Variants in KHDRBS2 observed in about 807,000 individuals in gnomAD.
KHDRBS2 encodes the protein KH RNA binding domain containing, signal transduction associated 2.
In KHDRBS2, 26 loss-of-function variants were observed where a neutral mutation model predicts 44.3. That is an observed-to-expected ratio of 0.59 (90% CI 0.43 to 0.81). The LOEUF is 0.81. Among genes scored for constraint, KHDRBS2 ranks in the 40% least tolerant of loss-of-function variants. The pLI is 0.00. For missense variants in KHDRBS2, 476 were observed against 433.1 expected (o/e 1.10, Z -0.88); for synonymous variants, 194 against 151.1 (o/e 1.28, Z -2.08).
chr6:61,779,852 T>G (rs940861493), intron 6 of KHDRBS2, among the ~76,000 whole-genome samples: 3 of 152,054 alleles, frequency 2.0e-5, no homozygotes, highest in Non-Finnish European at 4.4e-5. Flanking sequence ...ATAGATAGAA[T>G]GCATCCAAGC....
chr6:61,887,646 A>C (rs1801166519), intron 6 of KHDRBS2, among the ~76,000 whole-genome samples: 1 of 152,204 alleles, frequency 6.6e-6, no homozygotes, highest in Admixed American at 6.5e-5. Context: ...GCTGAGGCTC[A>C]GCAGGGGAGA....
the KHDRBS2 span, among the ~76,000 whole-genome samples, chr6:61,617,462 T>C: frequency 6.6e-6 from 1 of 152,198 alleles, no homozygotes. Context: ...AATGACATGA[T>C]TATTTTGTTG....
At chr6:61,739,396 C>A (rs1402008577) in intron 6 of KHDRBS2, among the ~76,000 whole-genome samples, 3 of 151,878 alleles carry the variant, frequency 2.0e-5, no homozygotes, top group Admixed American at 2.0e-4. Context: ...ATGATAGGAG[C>A]AACTTTGCTC....
Position 62,285,912 on chromosome 6 carries a change from C to A in KHDRBS2, c.37G>T (p.Glu13Ter). Residue 13 changes from glutamate to a stop codon, truncating the protein, a stop_gained, in exon 1 of 9, where the codon GAG (glutamate) becomes TAG (stop). Coordinates refer to ENST00000281156, the MANE Select transcript of KHDRBS2 (RefSeq NM_152688.4). LOFTEE classifies it high-confidence loss of function. ...AAAGATGGATCCAGGCTATCTTTCT[C>A]TGCCATCAGCTCAGGCAAATATTTC... ...EEKYLPELMA[E>*]KDSLDPSFVH... The A allele has an allele frequency of 6.2e-7, 1 of 1,613,556 alleles. No homozygotes were observed. The highest frequency in any genetic ancestry group is 1.1e-5 in the South Asian group (1 of 90,998).
intron 6 of KHDRBS2, among the ~76,000 whole-genome samples, chr6:61,797,768 T>C (rs1343575242): frequency 1.3e-5 from 2 of 151,212 alleles, no homozygotes; most frequent in African/African-American, 4.9e-5. Flanking sequence ...TGTGTGTATG[T>C]ATATATATCG....
intron 6 of KHDRBS2, among the ~76,000 whole-genome samples, chr6:61,815,196 T>C (rs1321775279): frequency 6.6e-6 from 1 of 151,908 alleles, no homozygotes; most frequent in Non-Finnish European, 1.5e-5. Flanking sequence ...TCCTTTACAG[T>C]AGCAAGCATG....
the KHDRBS2 span, among the ~76,000 whole-genome samples, chr6:61,619,123 T>G: frequency 6.9e-6 from 1 of 144,734 alleles, no homozygotes; most frequent in East Asian, 1.9e-4. Context: ...TAATTAAAAA[T>G]TTTTTTTCAA....
chr6:61,799,455 A>G (rs1184011600), intron 6 of KHDRBS2, among the ~76,000 whole-genome samples: 1 of 152,038 alleles, frequency 6.6e-6, no homozygotes, highest in Middle Eastern at 3.2e-3. Flanking sequence ...AAATATTACC[A>G]TCATTATGAC....
the KHDRBS2 span, among the ~76,000 whole-genome samples, chr6:61,672,110 C>T: frequency 7.5e-6 from 1 of 133,634 alleles, no homozygotes; most frequent in African/African-American, 2.7e-5. Flanking sequence ...GTTTTTTGTT[C>T]TTGGGATAGT....
intron 6 of KHDRBS2, among the ~76,000 whole-genome samples, chr6:61,751,912 C>A (rs1300603804): frequency 6.6e-6 from 1 of 151,292 alleles, no homozygotes; most frequent in Non-Finnish European, 1.5e-5. Flanking sequence ...ATTGTGTCAT[C>A]ACTTGCTCTT....
chr6:61,999,870 TA>T (rs1777900512), intron 3 of KHDRBS2, among the ~76,000 whole-genome samples: 1 of 152,158 alleles, frequency 6.6e-6, no homozygotes, highest in South Asian at 2.1e-4. Context: ...GCATCATTAT[TA>T]AAATCAGAAA....
At chr6:62,036,679 T>C (rs1562694587) in intron 3 of KHDRBS2, among the ~76,000 whole-genome samples, 1 of 152,038 alleles carries the variant, frequency 6.6e-6, no homozygotes, top group Non-Finnish European at 1.5e-5. Context: ...GTTAATCTAC[T>C]AGTGAAAGCA....
At chr6:61,939,028 T>C (rs1272066537) in intron 4 of KHDRBS2, among the ~76,000 whole-genome samples, 2 of 152,176 alleles carry the variant, frequency 1.3e-5, no homozygotes, top group Non-Finnish European at 2.9e-5. Context: ...CATTTTTGAT[T>C]GTCACACTGG....
At chr6:61,739,807 A>T (rs1206616585) in intron 6 of KHDRBS2, among the ~76,000 whole-genome samples, 1 of 151,942 alleles carries the variant, frequency 6.6e-6, no homozygotes, top group African/African-American at 2.4e-5. Context: ...GCACACCATT[A>T]TATGTTATTC....
At position 61,710,885 on chromosome 6, in the gene KHDRBS2, G is replaced by GA. The variant is rs774470435; in HGVS notation, c.894-13633dup. Among the ~76,000 whole-genome samples the GA allele has an allele frequency of 1.6e-3, 225 of 140,978 alleles. 1 individual carries two copies. The highest frequency in any genetic ancestry group is 2.3e-3 in the Non-Finnish European group (153 of 65,324). 92.5% of individuals were successfully genotyped at this position (140,978 alleles called of 152,430 possible). On this transcript the variant is annotated intron_variant, in intron 7 of 8. Coordinates refer to ENST00000281156, the MANE Select transcript of KHDRBS2 (RefSeq NM_152688.4). ...CATAAGCATTATAAGGATGTTGTGCGAAAAATGCAGGCCTCTGAGCCCCAT... is the reference window on the plus strand; with the variant it reads ...CATAAGCATTATAAGGATGTTGTGCGAAAAAATGCAGGCCTCTGAGCCCCAT...
chr6:61,945,555 A>G (rs1287507234), intron 4 of KHDRBS2, among the ~76,000 whole-genome samples: 1 of 152,076 alleles, frequency 6.6e-6, no homozygotes, highest in Non-Finnish European at 1.5e-5. Context: ...ATATTTTAAT[A>G]TAACATTTTA....
intron 1 of KHDRBS2, among the ~76,000 whole-genome samples, chr6:62,247,364 G>T (rs74478964): frequency 1 from 151,772 of 151,772 alleles, 75,886 homozygotes; most frequent in Non-Finnish European, 1. Flanking sequence ...CGCATTACTA[G>T]TGCGCCAGCC....
the KHDRBS2 span, among the ~76,000 whole-genome samples, chr6:61,573,891 T>C: frequency 2.9e-5 from 1 of 34,224 alleles, no homozygotes; most frequent in Non-Finnish European, 5.3e-5. Context: ...AACTTCTAAC[T>C]ATACTAACTA....
intron 2 of KHDRBS2, among the ~76,000 whole-genome samples, chr6:62,088,804 C>A (rs989891988): frequency 6.6e-6 from 1 of 152,186 alleles, no homozygotes; most frequent in Admixed American, 6.5e-5. Flanking sequence ...TTTAAGTCTG[C>A]TGAAGCTGCG....
Sources: gnomAD v4.1 joint callset for allele counts (sites outside exome capture counted in the v4.1 genomes callset) on GRCh38, gnomAD v4.1.1 for gene constraint, MANE v1.5 for transcripts, NCBI Gene and HGNC (gene_info 2026-07-23, HGNC 2026-07-21) for gene names.